Variants in CTTNBP2 observed in about 807,000 individuals in gnomAD.
CTTNBP2 encodes the protein cortactin-binding protein 2.
Under a neutral mutation model 156.9 loss-of-function variants are expected in CTTNBP2, and 108 were observed. That is an observed-to-expected ratio of 0.69 (90% CI 0.59 to 0.81). CTTNBP2 has a LOEUF of 0.81. Ranked by LOEUF, CTTNBP2 falls within the 30% of genes least tolerant of loss-of-function variation. The pLI is 0.00. For synonymous variants in CTTNBP2, 767 were observed against 751.8 expected (o/e 1.02, Z -0.33); for missense variants, 1,924 against 2,035.4 (o/e 0.95, Z 1.05).
At chr7:117,714,637 C>T (rs896639507) in intron 22 of CTTNBP2, among the ~76,000 whole-genome samples, 2 of 152,170 alleles carry the variant, frequency 1.3e-5, no homozygotes, top group Non-Finnish European at 2.9e-5. Flanking sequence ...GAAATATCCA[C>T]ATGAAATAAA....
rs555693487 is a variant in CTTNBP2, at chr7:117,760,994, T to A, written c.2897-284A>T. On this transcript the variant is annotated intron_variant, in intron 9 of 22. Coordinates refer to ENST00000160373, the MANE Select transcript of CTTNBP2 (RefSeq NM_033427.3). ...TCCCATCAGCAAGATTGTCAAGTTT[T>A]AAAAAAAAAAATCTGAAAGAACTAT... Among the ~76,000 whole-genome samples the A allele has an allele frequency of 1.8e-4, 27 of 148,862 alleles. No homozygotes were observed. In the East Asian group the frequency reaches 2.9e-3, roughly 16 times the overall value.
chr7:117,767,866 C>A (rs1233634768), intron 8 of CTTNBP2, among the ~76,000 whole-genome samples: 4 of 151,830 alleles, frequency 2.6e-5, no homozygotes, highest in Non-Finnish European at 5.9e-5. Context: ...TTTTCAAATG[C>A]AAAGTAAGAG....
intron 2 of CTTNBP2, among the ~76,000 whole-genome samples, chr7:117,832,147 A>G (rs1180938971): frequency 6.6e-6 from 1 of 152,160 alleles, no homozygotes; most frequent in East Asian, 1.9e-4. Context: ...AACTCACCTG[A>G]AACCTGAGTG....
At chr7:117,864,005 T>C (rs1030068653) in intron 1 of CTTNBP2, among the ~76,000 whole-genome samples, 1 of 152,182 alleles carries the variant, frequency 6.6e-6, no homozygotes, top group African/African-American at 2.4e-5. Context: ...TATTTTATTG[T>C]CTTGTTTCTC....
intron 10 of CTTNBP2, chr7:117,760,137 G>T (rs1797117344): frequency 2.5e-6 from 1 of 407,848 alleles, no homozygotes; most frequent in Admixed American, 3.9e-5. Flanking sequence ...GCAAGCAGCT[G>T]TGGGGTGTTT....
At chr7:117,820,013 C>T (rs1458791115) in intron 2 of CTTNBP2, among the ~76,000 whole-genome samples, 1 of 152,202 alleles carries the variant, frequency 6.6e-6, no homozygotes, top group Non-Finnish European at 1.5e-5. Context: ...TAATCTCTCT[C>T]CTTTCCGAAA....
chr7:117,727,183 A>G (rs1795138027), intron 17 of CTTNBP2, among the ~76,000 whole-genome samples: 1 of 152,114 alleles, frequency 6.6e-6, no homozygotes, highest in Non-Finnish European at 1.5e-5. Context: ...TTGTCTTACA[A>G]TAGAGAAAAT....
intron 12 of CTTNBP2, among the ~76,000 whole-genome samples, chr7:117,748,930 C>T (rs1157156563): frequency 2.0e-5 from 3 of 152,152 alleles, no homozygotes; most frequent in Non-Finnish European, 4.4e-5. Flanking sequence ...GCCCCTTCCA[C>T]CACTTGAGGA....
intron 12 of CTTNBP2, among the ~76,000 whole-genome samples, chr7:117,752,927 A>G (rs964804937): frequency 4.6e-5 from 7 of 152,230 alleles, no homozygotes; most frequent in Non-Finnish European, 5.9e-5. Context: ...TAAATGCTCA[A>G]TAAAAGGTTA....
chr7:117,751,728 G>A (rs1226766253), intron 12 of CTTNBP2, among the ~76,000 whole-genome samples: 1 of 152,142 alleles, frequency 6.6e-6, no homozygotes, highest in Non-Finnish European at 1.5e-5. Context: ...TTCAAATATA[G>A]ACAGGTCCCC....
intron 2 of CTTNBP2, among the ~76,000 whole-genome samples, chr7:117,817,820 C>T (rs1344795897): frequency 6.6e-6 from 1 of 151,724 alleles, no homozygotes; most frequent in Non-Finnish European, 1.5e-5. Flanking sequence ...AAAAATAAGC[C>T]CAGGAGATAG....
Position 117,873,439 on chromosome 7 carries a change from T to G in CTTNBP2, c.-24A>C. 1 of 1,451,798 alleles carries G rather than the reference T, an allele frequency of 6.9e-7. No individual in the cohort carries two copies. The highest frequency in any genetic ancestry group is 1.5e-5 in the African/African-American group (1 of 68,212). The allele number at this position is 1,451,798 out of a possible 1,614,324, so 89.9% of individuals were successfully genotyped here. A position where few individuals can be genotyped will look rare whatever the true frequency, so the allele number is the denominator to read the frequency against. On this transcript the variant is annotated 5_prime_UTR_variant, in exon 1 of 23. Coordinates refer to ENST00000160373, the MANE Select transcript of CTTNBP2 (RefSeq NM_033427.3). ...ATCTTCCTGCTCTAGCGGATCCGAA[T>G]GCGAGCTCGGAGCCGCGGCTCCGGA...
chr7:117,845,598 T>C (rs1209197137), intron 2 of CTTNBP2, among the ~76,000 whole-genome samples: 1 of 152,250 alleles, frequency 6.6e-6, no homozygotes, highest in Non-Finnish European at 1.5e-5. Flanking sequence ...AATTACACAC[T>C]TCTGGCTACG....
intron 14 of CTTNBP2, among the ~76,000 whole-genome samples, chr7:117,737,011 T>C (rs1231572321): frequency 6.6e-6 from 1 of 152,150 alleles, no homozygotes; most frequent in African/African-American, 2.4e-5. Context: ...ACACTGTAAA[T>C]GAATCTCTTC....
intron 8 of CTTNBP2, among the ~76,000 whole-genome samples, chr7:117,775,798 A>G (rs1638309406): frequency 6.6e-6 from 1 of 152,124 alleles, no homozygotes; most frequent in African/African-American, 2.4e-5. Flanking sequence ...TGTCTCCCAA[A>G]AACTTTTATG....
rs539684164 is a variant in CTTNBP2 at position 117,821,658 on chromosome 7, G to A, written c.190-10669C>T. On this transcript the variant is annotated intron_variant, in intron 2 of 22. Transcript: ENST00000160373. ...GGCTGGAGTGCAGTGGTGCAATCTC[G>A]GCTCACTGCAAGCTCTGCCTCCCAG... 2.7e-5 allele frequency among the ~76,000 whole-genome samples: 4 copies of A among 148,486 alleles called. No individual in the cohort carries two copies. In the South Asian group the frequency reaches 8.5e-4, roughly 32 times the overall value.
intron 2 of CTTNBP2, among the ~76,000 whole-genome samples, chr7:117,846,649 TTGA>T (rs1332300438): frequency 3.9e-5 from 6 of 152,092 alleles, no homozygotes; most frequent in Non-Finnish European, 7.4e-5. Flanking sequence ...GAAGAAACAT[TTGA>T]ATTGCCTGTA....
At chr7:117,770,496 T>C (rs955440801) in intron 8 of CTTNBP2, among the ~76,000 whole-genome samples, 3 of 152,200 alleles carry the variant, frequency 2.0e-5, no homozygotes, top group African/African-American at 7.2e-5. Flanking sequence ...ACAACAACTA[T>C]TTGAGCACAT....
chr7:117,803,508 C>G (rs1799750279), intron 3 of CTTNBP2, among the ~76,000 whole-genome samples: 1 of 152,154 alleles, frequency 6.6e-6, no homozygotes, highest in Admixed American at 6.5e-5. Context: ...TGAACCTGCA[C>G]ATGTTCCACC....
Sources: gnomAD v4.1 joint callset for allele counts (sites outside exome capture counted in the v4.1 genomes callset) on GRCh38, gnomAD v4.1.1 for gene constraint, MANE v1.5 for transcripts, NCBI Gene and HGNC (gene_info 2026-07-23, HGNC 2026-07-21) for gene names.